The following REPS2 variants were observed in gnomAD, a reference collection of about 807,000 sequenced individuals.
REPS2 encodes the protein RALBP1 associated Eps domain containing 2, also known as ralBP1-associated Eps domain-containing protein 2.
REPS2 carries 23 observed loss-of-function variants against 53.6 expected under a neutral mutation model. The observed-to-expected ratio is 0.43, with a 90% CI of 0.31 to 0.61. REPS2 has a LOEUF of 0.61. Among genes scored for constraint, REPS2 ranks in the 20% least tolerant of loss-of-function variants. The pLI is 0.11. For missense variants in REPS2, 446 were observed against 534.9 expected, an observed-to-expected ratio of 0.83 and a Z score of 1.64; for synonymous variants, 238 against 218.6, an observed-to-expected ratio of 1.09 and a Z score of -0.78.
chrX:17,055,379 G>T (rs1260483717), intron 8 of REPS2, among the ~76,000 whole-genome samples: 119 of 57,257 alleles, frequency 2.1e-3, no homozygotes, highest in African/African-American at 7.8e-3. Flanking sequence ...GTCAATTTTG[G>T]CTTTTGTTGC....
intron 14 of REPS2, among the ~76,000 whole-genome samples, chrX:17,124,365 A>G (rs1252731493): frequency 8.9e-6 from 1 of 112,143 alleles, no homozygotes; most frequent in Non-Finnish European, 1.9e-5. Flanking sequence ...GGTGCTTACC[A>G]TTCGTTTATC....
At chrX:17,081,863 C>T (rs746355193) in intron 13 of REPS2, among the ~76,000 whole-genome samples, 21 of 112,004 alleles carry the variant, frequency 1.9e-4, no homozygotes, top group African/African-American at 6.2e-4. Flanking sequence ...GTATGCAAAA[C>T]CTAGAGGCAG....
intron 8 of REPS2, among the ~76,000 whole-genome samples, 173 bp from the exon 9 acceptor site, chrX:17,062,265 T>C (rs1270701490): frequency 1.8e-5 from 2 of 112,197 alleles, no homozygotes; most frequent in African/African-American, 6.5e-5. Context: ...AAGTACTGGG[T>C]TGTCCATATA....
intron 13 of REPS2, among the ~76,000 whole-genome samples, chrX:17,082,029 A>AT (rs1297289232): frequency 7.2e-5 from 8 of 110,552 alleles, no homozygotes; most frequent in East Asian, 2.8e-4. Flanking sequence ...TCATGAGGTA[A>AT]TTTTTTTTTC....
At chrX:17,058,452 C>CAA (rs66501468) in intron 8 of REPS2, among the ~76,000 whole-genome samples, 1,581 of 70,943 alleles carry the variant, frequency 0.022, 41 homozygotes, top group African/African-American at 0.081. Context: ...GACTCCTTCT[C>CAA]AAAAAAAAAA....
intron 14 of REPS2, among the ~76,000 whole-genome samples, chrX:17,127,579 A>T (rs897770267): frequency 7.2e-5 from 8 of 111,858 alleles, no homozygotes; most frequent in Non-Finnish European, 5.6e-5. Flanking sequence ...AGTGTTTAGC[A>T]AATGACCCAG....
downstream of REPS2, chrX:17,153,354 G>A (rs1478415518): frequency 8.9e-6 from 1 of 112,368 alleles, no homozygotes; most frequent in Non-Finnish European, 1.9e-5. Flanking sequence ...GATGGGAAAA[G>A]GAGTTGGGAG....
At chrX:16,961,834 C>T (rs1186901575) in intron 1 of REPS2, among the ~76,000 whole-genome samples, 1 of 111,970 alleles carries the variant, frequency 8.9e-6, no homozygotes, top group East Asian at 2.8e-4. Flanking sequence ...AGGCAAAGGA[C>T]TTGATTATTC....
intron 14 of REPS2, among the ~76,000 whole-genome samples, chrX:17,118,749 A>G (rs761803350): frequency 8.9e-6 from 1 of 112,152 alleles, no homozygotes; most frequent in African/African-American, 3.2e-5. Context: ...ACTCTTTCCT[A>G]CATTAATCTC....
intron 1 of REPS2, among the ~76,000 whole-genome samples, chrX:16,993,449 G>T (rs2061187059): frequency 9.0e-6 from 1 of 111,567 alleles, no homozygotes; most frequent in Non-Finnish European, 1.9e-5. Flanking sequence ...TGTGGGTTTT[G>T]ATCCTAGGCG....
intron 1 of REPS2, among the ~76,000 whole-genome samples, chrX:16,969,779 GGAGAGA>G (rs1165525637): frequency 2.5e-5 from 2 of 79,459 alleles, no homozygotes; most frequent in African/African-American, 9.9e-5. Flanking sequence ...AGAGGGAGAG[GGAGAGA>G]GGGAGAGGGA....
At chrX:16,988,708 A>G (rs1161944138) in intron 1 of REPS2, among the ~76,000 whole-genome samples, 2 of 111,287 alleles carry the variant, frequency 1.8e-5, no homozygotes, top group Non-Finnish European at 3.8e-5. Flanking sequence ...TTAAAAATAC[A>G]ATACCATTTA....
At chrX:17,081,163 T>A (rs2148002543) in intron 13 of REPS2, among the ~76,000 whole-genome samples, 1 of 112,349 alleles carries the variant, frequency 8.9e-6, no homozygotes, top group South Asian at 3.7e-4. Flanking sequence ...AGCCCTTGTT[T>A]AATAAAATGA....
intron 2 of REPS2, among the ~76,000 whole-genome samples, chrX:17,013,196 C>T (rs2061450376): frequency 8.9e-6 from 1 of 112,143 alleles, no homozygotes; most frequent in African/African-American, 3.2e-5. Context: ...CCCCCTCTTC[C>T]AACAACAACA....
intron 1 of REPS2, among the ~76,000 whole-genome samples, chrX:16,975,207 T>C (rs1602567280): frequency 8.9e-6 from 1 of 112,363 alleles, no homozygotes; most frequent in South Asian, 3.7e-4. Context: ...GGTAGAATGA[T>C]TTATATTCCT....
At position 17,147,639 on chromosome X, in the gene REPS2, T is replaced by C; in HGVS notation, c.*158T>C. The C allele has an allele frequency of 2.6e-6, 1 of 386,118 alleles. No homozygotes were observed. The highest frequency in any genetic ancestry group is 4.6e-6 in the Non-Finnish European group (1 of 218,938). The allele number at this position is 386,118 out of a possible 1,213,427, so 31.8% of individuals were successfully genotyped here. A position where few individuals can be genotyped will look rare whatever the true frequency, so the allele number is the denominator to read the frequency against. ...GACCTTTTCTCTTGCACTTCACTTGTATGTTTTACTGTGGTGGAAAAAATA... is the reference window on the plus strand; with the variant it reads ...GACCTTTTCTCTTGCACTTCACTTGCATGTTTTACTGTGGTGGAAAAAATA... On this transcript the variant is annotated 3_prime_UTR_variant, in exon 18 of 18. Transcript: ENST00000357277.
At chrX:17,011,134 TACG>T (rs1275512962) in intron 2 of REPS2, among the ~76,000 whole-genome samples, 1 of 109,322 alleles carries the variant, frequency 9.1e-6, no homozygotes, top group African/African-American at 3.3e-5. Flanking sequence ...TAGGGTGCTG[TACG>T]ACACAGGGCA....
chrX:16,975,962 A>G (rs2060950174), intron 1 of REPS2, among the ~76,000 whole-genome samples: 1 of 112,166 alleles, frequency 8.9e-6, no homozygotes, highest in African/African-American at 3.2e-5. Context: ...AACCATTTGA[A>G]GTGTACACTT....
chrX:17,099,943 C>T (rs2062763408), intron 13 of REPS2: 1 of 1,143,305 alleles, frequency 8.7e-7, no homozygotes, highest in Admixed American at 2.2e-5. Context: ...CCACTGGAGT[C>T]TGTAGCTCCA....
Sources: gnomAD v4.1 joint callset for allele counts (sites outside exome capture counted in the v4.1 genomes callset) on GRCh38, gnomAD v4.1.1 for gene constraint, MANE v1.5 for transcripts, NCBI Gene and HGNC (gene_info 2026-07-23, HGNC 2026-07-21) for gene names.